Variants in TBC1D22A observed in about 807,000 individuals in gnomAD.
TBC1D22A encodes the protein TBC1 domain family member 22A.
Under a neutral mutation model 60.2 loss-of-function variants are expected in TBC1D22A, and 38 were observed. The observed-to-expected ratio is 0.63, with a 90% CI of 0.49 to 0.83. TBC1D22A has a LOEUF of 0.83. Ranked by LOEUF, TBC1D22A falls within the 40% of genes least tolerant of loss-of-function variation. The pLI is 0.00. For synonymous variants in TBC1D22A, 302 were observed against 281.7 expected, an observed-to-expected ratio of 1.07 and a Z score of -0.72; for missense variants, 628 against 701.0, an observed-to-expected ratio of 0.90 and a Z score of 1.18.
intron 12 of TBC1D22A, among the ~76,000 whole-genome samples, chr22:47,157,211 C>A (rs564164574): frequency 6.6e-6 from 1 of 152,184 alleles, no homozygotes; most frequent in African/African-American, 2.4e-5. Flanking sequence ...GCAGAGTCAC[C>A]GTGGCACACG....
chr22:46,849,204 G>A (rs535115329), intron 4 of TBC1D22A, among the ~76,000 whole-genome samples: 17 of 152,278 alleles, frequency 1.1e-4, no homozygotes, highest in African/African-American at 3.6e-4. Flanking sequence ...GGTTGTCCCC[G>A]TTGACCTGGC....
At chr22:47,104,248 C>T (rs1603272519) in intron 11 of TBC1D22A, among the ~76,000 whole-genome samples, 1 of 151,992 alleles carries the variant, frequency 6.6e-6, no homozygotes, top group African/African-American at 2.4e-5. Flanking sequence ...AGGGAGGTTG[C>T]AGTCAGCCGA....
At chr22:46,780,193 C>T (rs1385957967) in intron 1 of TBC1D22A, among the ~76,000 whole-genome samples, 1 of 152,190 alleles carries the variant, frequency 6.6e-6, no homozygotes, top group Non-Finnish European at 1.5e-5. Context: ...CCTAAGGGGG[C>T]ACTGAATAAT....
chr22:47,118,265 C>G (rs2147749033), intron 12 of TBC1D22A, among the ~76,000 whole-genome samples: 1 of 152,218 alleles, frequency 6.6e-6, no homozygotes, highest in East Asian at 1.9e-4. Flanking sequence ...AAAAAGTAAT[C>G]ACCCAACCTA....
At chr22:46,903,218 G>A (rs1335555361) in intron 7 of TBC1D22A, among the ~76,000 whole-genome samples, 1 of 152,176 alleles carries the variant, frequency 6.6e-6, no homozygotes, top group Non-Finnish European at 1.5e-5. Context: ...AGGGCTGAGG[G>A]CCGAGGGTTG....
At chr22:47,099,476 G>A (rs1219590339) in intron 11 of TBC1D22A, among the ~76,000 whole-genome samples, 15 of 147,646 alleles carry the variant, frequency 1.0e-4, no homozygotes, top group Admixed American at 3.4e-4. Flanking sequence ...ACGGAGTTTC[G>A]CTCTTGTTGC....
chr22:47,131,290 TA>T (rs2066669560), intron 12 of TBC1D22A, among the ~76,000 whole-genome samples: 1 of 152,208 alleles, frequency 6.6e-6, no homozygotes, highest in Non-Finnish European at 1.5e-5. Context: ...GACCTTGCTG[TA>T]ACCTCGTGCA....
intron 3 of TBC1D22A, among the ~76,000 whole-genome samples, chr22:46,794,963 G>A (rs1457933900): frequency 6.6e-6 from 1 of 152,232 alleles, no homozygotes; most frequent in East Asian, 1.9e-4. Flanking sequence ...TTTTACCCTG[G>A]AGAACTAGGT....
intron 7 of TBC1D22A, among the ~76,000 whole-genome samples, chr22:46,899,877 T>A (rs897196720): frequency 6.6e-6 from 1 of 152,110 alleles, no homozygotes; most frequent in Non-Finnish European, 1.5e-5. Flanking sequence ...AAAATGTAAC[T>A]TTGATTTTTT....
At chr22:46,924,857 T>C (rs2070960260) in intron 8 of TBC1D22A, among the ~76,000 whole-genome samples, 1 of 152,212 alleles carries the variant, frequency 6.6e-6, no homozygotes, top group South Asian at 2.1e-4. Flanking sequence ...AGCATATGGC[T>C]CCTGGAGCTG....
At chr22:46,800,564 G>A (rs932674622) in intron 4 of TBC1D22A, among the ~76,000 whole-genome samples, 1 of 152,174 alleles carries the variant, frequency 6.6e-6, no homozygotes, top group Admixed American at 6.5e-5. Context: ...CTGGTTACTC[G>A]CCACGTGACC....
chr22:47,134,059 C>T (rs2066774024), intron 12 of TBC1D22A, among the ~76,000 whole-genome samples: 2 of 152,230 alleles, frequency 1.3e-5, no homozygotes, highest in African/African-American at 4.8e-5. Flanking sequence ...CATAAGAAAG[C>T]TGCCTGCCTG....
At chr22:47,125,250 C>A (rs2066414057) in intron 12 of TBC1D22A, among the ~76,000 whole-genome samples, 1 of 152,206 alleles carries the variant, frequency 6.6e-6, no homozygotes, top group African/African-American at 2.4e-5. Context: ...GGCGACCGTC[C>A]CCGGAGAGCC....
At chr22:47,002,163 C>T (rs544324750) in intron 10 of TBC1D22A, among the ~76,000 whole-genome samples, 24 of 152,340 alleles carry the variant, frequency 1.6e-4, no homozygotes, top group African/African-American at 5.5e-4. Context: ...AGAATTTCAG[C>T]GTATAAAGCA....
intron 12 of TBC1D22A, among the ~76,000 whole-genome samples, chr22:47,160,846 C>T (rs2067950495): frequency 6.6e-6 from 1 of 152,086 alleles, no homozygotes; most frequent in African/African-American, 2.4e-5. Flanking sequence ...CCATGCCCTC[C>T]CCCCAGCTAC....
At chr22:47,143,655 C>G (rs1379689767) in intron 12 of TBC1D22A, among the ~76,000 whole-genome samples, 1 of 152,202 alleles carries the variant, frequency 6.6e-6, no homozygotes, top group Non-Finnish European at 1.5e-5. Context: ...CTGCAGGGTC[C>G]CCTGAGCTCT....
At chr22:47,146,306 T>C (rs1003044333) in intron 12 of TBC1D22A, among the ~76,000 whole-genome samples, 2 of 152,196 alleles carry the variant, frequency 1.3e-5, no homozygotes, top group Non-Finnish European at 2.9e-5. Context: ...GGTGGAATTG[T>C]TAAAAGGGTT....
chr22:47,130,012 G>T (rs372232090), intron 12 of TBC1D22A, among the ~76,000 whole-genome samples: 1 of 152,178 alleles, frequency 6.6e-6, no homozygotes, highest in South Asian at 2.1e-4. Context: ...CCTCGTGCCC[G>T]GCCCTTCCTT....
chr22:47,094,160 A>C (rs546859789), intron 11 of TBC1D22A, among the ~76,000 whole-genome samples: 1 of 152,248 alleles, frequency 6.6e-6, no homozygotes, highest in South Asian at 2.1e-4. Context: ...GGATCTGGTG[A>C]GTTTCAGTCC....
Sources: allele counts gnomAD v4.1 joint callset (sites outside exome capture counted in the v4.1 genomes callset), GRCh38; gene constraint gnomAD v4.1.1; transcripts MANE v1.5; gene names NCBI Gene and HGNC (gene_info 2026-07-23, HGNC 2026-07-21).